PTPRD: variants seen among roughly 807,000 people sequenced by gnomAD.
PTPRD encodes the protein receptor-type tyrosine-protein phosphatase delta.
PTPRD carries 34 observed loss-of-function variants against 214.5 expected under a neutral mutation model. The observed-to-expected ratio is 0.16, with a 90% CI of 0.12 to 0.21. The LOEUF (loss-of-function observed/expected upper bound fraction) is 0.21, where lower values mean the gene tolerates loss of function less well. PTPRD is among the 10% of genes least tolerant of loss of function. PTPRD has a pLI of 1.00. For missense variants in PTPRD, 2,545 were observed against 2,398.7 expected (o/e 1.06, Z -1.27); for synonymous variants, 1,128 against 845.7 (o/e 1.33, Z -5.79).
At chr9:8,662,842 C>G (rs372850860) in intron 12 of PTPRD, among the ~76,000 whole-genome samples, 1 of 152,110 alleles carries the variant, frequency 6.6e-6, no homozygotes, top group East Asian at 1.9e-4. Context: ...TTCTGTGGCA[C>G]ACACATTTAC....
chr9:10,523,666 G>C (rs1031391380), intron 2 of PTPRD, among the ~76,000 whole-genome samples: 4 of 145,982 alleles, frequency 2.7e-5, no homozygotes, highest in African/African-American at 1.0e-4. Flanking sequence ...GAAATAAAGA[G>C]AGAGAGAGAG....
At chr9:10,567,915 GTTTTATTTTTTATTT>G (rs1049482918) in intron 2 of PTPRD, among the ~76,000 whole-genome samples, 19 of 150,460 alleles carry the variant, frequency 1.3e-4, no homozygotes, top group Admixed American at 6.0e-4. Context: ...ATATATCATT[GTTTTATTTTTTATTT>G]TTTTATTTTT....
chr9:8,641,861 T>A (rs2096584276), intron 12 of PTPRD, among the ~76,000 whole-genome samples: 1 of 152,222 alleles, frequency 6.6e-6, no homozygotes, highest in Non-Finnish European at 1.5e-5. Flanking sequence ...GGATGCCATA[T>A]CATGTTTCAA....
intron 4 of PTPRD, among the ~76,000 whole-genome samples, chr9:9,940,153 T>C (rs1356426362): frequency 6.6e-6 from 1 of 151,690 alleles, no homozygotes; most frequent in Non-Finnish European, 1.5e-5. Flanking sequence ...ATGAGGGGAG[T>C]GAGCAGTTAC....
chr9:10,591,910 G>A (rs943700880), intron 2 of PTPRD, among the ~76,000 whole-genome samples: 4 of 152,114 alleles, frequency 2.6e-5, no homozygotes, highest in East Asian at 3.9e-4. Context: ...CAGTCCTGAC[G>A]TGGCTACAGA....
intron 11 of PTPRD, among the ~76,000 whole-genome samples, chr9:9,011,595 T>C (rs2099512045): frequency 6.6e-6 from 1 of 152,166 alleles, no homozygotes; most frequent in African/African-American, 2.4e-5. Context: ...AATACATCCC[T>C]ATTCCCTGAA....
chr9:8,499,395 G>T (rs1356832020), intron 25 of PTPRD, among the ~76,000 whole-genome samples: 2 of 152,088 alleles, frequency 1.3e-5, no homozygotes, highest in African/African-American at 2.4e-5. Context: ...GTTGTAAAGG[G>T]TTGAATATCT....
chr9:9,760,042 T>C (rs2821516), intron 6 of PTPRD, among the ~76,000 whole-genome samples: 121,334 of 152,066 alleles, frequency 0.8, 49,201 homozygotes, highest in African/African-American at 0.95. Flanking sequence ...AGATTGTCTA[T>C]CACTAGACAT....
chr9:9,401,604 A>AT (rs112089821), intron 8 of PTPRD, among the ~76,000 whole-genome samples: 35 of 150,862 alleles, frequency 2.3e-4, no homozygotes, highest in Middle Eastern at 3.4e-3. Context: ...GTTATATCTT[A>AT]TTTTTTTTTT....
intron 9 of PTPRD, among the ~76,000 whole-genome samples, chr9:9,389,869 T>C (rs1038091923): frequency 2.0e-5 from 3 of 152,202 alleles, no homozygotes; most frequent in Admixed American, 1.3e-4. Context: ...GTCAATCCTT[T>C]CTTATGGCTT....
intron 4 of PTPRD, among the ~76,000 whole-genome samples, chr9:10,006,464 C>A (rs16930782): frequency 6.6e-6 from 1 of 151,834 alleles, no homozygotes; most frequent in African/African-American, 2.4e-5. Context: ...TCTTTATGAT[C>A]TAGTCCATAT....
intron 14 of PTPRD, among the ~76,000 whole-genome samples, chr9:8,538,150 C>G (rs2077407008): frequency 6.6e-6 from 1 of 151,858 alleles, no homozygotes; most frequent in Non-Finnish European, 1.5e-5. Flanking sequence ...CTCATTATTC[C>G]CTATCAATTT....
At chr9:9,524,030 G>A (rs1345973282) in intron 8 of PTPRD, among the ~76,000 whole-genome samples, 3 of 152,154 alleles carry the variant, frequency 2.0e-5, no homozygotes, top group Non-Finnish European at 4.4e-5. Context: ...GCCCAGGGCA[G>A]TGAATGCAAA....
At chr9:8,948,521 ATATATATATT>A (rs1567184049) in intron 11 of PTPRD, among the ~76,000 whole-genome samples, 10 of 51,756 alleles carry the variant, frequency 1.9e-4, no homozygotes, top group African/African-American at 5.9e-4. Context: ...ATATATATTT[ATATATATATT>A]TATATATATA....
chr9:8,850,309 G>A (rs531061498), intron 11 of PTPRD, among the ~76,000 whole-genome samples: 14 of 152,038 alleles, frequency 9.2e-5, no homozygotes, highest in Non-Finnish European at 1.8e-4. Flanking sequence ...ACATATGGCA[G>A]GAGACAGTAC....
chr9:9,678,426 C>G (rs2096982987), intron 7 of PTPRD, among the ~76,000 whole-genome samples: 1 of 152,012 alleles, frequency 6.6e-6, no homozygotes, highest in Non-Finnish European at 1.5e-5. Flanking sequence ...ATATCTACAA[C>G]CATCTGATCT....
chr9:9,160,008 G>C (rs932042768), intron 10 of PTPRD, among the ~76,000 whole-genome samples: 1 of 152,130 alleles, frequency 6.6e-6, no homozygotes, highest in African/African-American at 2.4e-5. Flanking sequence ...ACATGCAGAA[G>C]AATGACACTG....
chr9:9,309,440 A>G (rs1407881123), intron 9 of PTPRD, among the ~76,000 whole-genome samples: 1 of 152,158 alleles, frequency 6.6e-6, no homozygotes, highest in Non-Finnish European at 1.5e-5. Flanking sequence ...AGAATTGTCT[A>G]CTTTACCTTA....
In PTPRD at chr9:8,753,928, T is replaced by C. The variant is rs377003266; in HGVS notation, c.-103-19982A>G. On this transcript the variant is annotated intron_variant, in intron 11 of 45. Coordinates refer to ENST00000381196, the MANE Select transcript of PTPRD (RefSeq NM_002839.4). ...AGGAGGCTGAGGAGGTTGGATCACC[T>C]GAGGTCAGGAGTTCAAGACCAGCCA... Among the ~76,000 whole-genome samples the C allele has an allele frequency of 2.8e-4, 43 of 152,234 alleles. No homozygotes were observed. The East Asian group carries it at 8.3e-3, about 29-fold the overall frequency.
Sources: allele counts gnomAD v4.1 joint callset (sites outside exome capture counted in the v4.1 genomes callset), GRCh38; gene constraint gnomAD v4.1.1; transcripts MANE v1.5; gene names NCBI Gene and HGNC (gene_info 2026-07-23, HGNC 2026-07-21).